The following PLCB1 variants were observed in gnomAD, a reference collection of about 807,000 sequenced individuals.
The protein encoded by PLCB1 is 1-phosphatidylinositol 4,5-bisphosphate phosphodiesterase beta-1.
A neutral mutation model predicts 161.8 loss-of-function variants in PLCB1; 46 were observed. The observed-to-expected ratio is 0.28, with a 90% CI of 0.22 to 0.36. The LOEUF is 0.36. PLCB1 is among the 10% of genes least tolerant of loss of function. PLCB1 has a pLI of 1.00. For missense variants in PLCB1, 1,016 were observed against 1,472.5 expected (o/e 0.69, Z 5.07); for synonymous variants, 517 against 503.7 (o/e 1.03, Z -0.35).
chr20:8,492,736 C>G (rs1156762385), intron 3 of PLCB1, among the ~76,000 whole-genome samples: 1 of 151,704 alleles, frequency 6.6e-6, no homozygotes, highest in Non-Finnish European at 1.5e-5. Flanking sequence ...AGGATCAAAC[C>G]TAAGCACAAA....
At chr20:8,271,142 G>A (rs1351320248) in intron 2 of PLCB1, among the ~76,000 whole-genome samples, 2 of 152,166 alleles carry the variant, frequency 1.3e-5, no homozygotes, top group African/African-American at 2.4e-5. Flanking sequence ...TTCACTGACA[G>A]TGGTAGACAT....
intron 3 of PLCB1, among the ~76,000 whole-genome samples, chr20:8,407,554 C>T (rs966428427): frequency 2.6e-5 from 4 of 152,192 alleles, no homozygotes; most frequent in Non-Finnish European, 5.9e-5. Context: ...CCCTGATAAA[C>T]TCGTCAGATC....
At chr20:8,416,929 TACACACACAC>T (rs56097941) in intron 3 of PLCB1, among the ~76,000 whole-genome samples, 2,079 of 126,438 alleles carry the variant, frequency 0.016, 56 homozygotes, top group African/African-American at 0.058. Flanking sequence ...AGAGACAGAA[TACACACACAC>T]ACACACACAC....
intron 2 of PLCB1, among the ~76,000 whole-genome samples, chr20:8,312,966 C>A (rs1984475417): frequency 6.6e-6 from 1 of 152,088 alleles, no homozygotes; most frequent in Admixed American, 6.6e-5. Context: ...CTATTCTGTG[C>A]ATTTACTTAT....
chr20:8,534,804 G>A (rs1984974756), intron 3 of PLCB1, among the ~76,000 whole-genome samples: 1 of 152,168 alleles, frequency 6.6e-6, no homozygotes, highest in South Asian at 2.1e-4. Context: ...TGGGGGAGCA[G>A]TTAATTATCC....
intron 31 of PLCB1, among the ~76,000 whole-genome samples, chr20:8,815,038 C>A (rs1985020199): frequency 6.6e-6 from 1 of 152,186 alleles, no homozygotes; most frequent in Admixed American, 6.5e-5. Context: ...TATCTAAAAA[C>A]CCCAGTCCGC....
intron 31 of PLCB1, among the ~76,000 whole-genome samples, chr20:8,831,021 G>T (rs996111105): frequency 6.6e-6 from 1 of 152,180 alleles, no homozygotes; most frequent in Admixed American, 6.5e-5. Flanking sequence ...GATTGCATTA[G>T]AATGTTGACT....
intron 9 of PLCB1, among the ~76,000 whole-genome samples, chr20:8,670,398 A>G (rs1225319622): frequency 1.3e-5 from 2 of 152,214 alleles, no homozygotes; most frequent in African/African-American, 4.8e-5. Context: ...AAATAGTACA[A>G]CTTAATACAG....
intron 23 of PLCB1, among the ~76,000 whole-genome samples, chr20:8,753,982 C>T (rs984228206): frequency 3.9e-5 from 6 of 152,152 alleles, no homozygotes; most frequent in African/African-American, 1.4e-4. Context: ...CCAAGAGTGA[C>T]ACAGTCCACT....
chr20:8,332,724 C>T (rs554803915), intron 2 of PLCB1, among the ~76,000 whole-genome samples: 4 of 152,306 alleles, frequency 2.6e-5, no homozygotes, highest in African/African-American at 9.6e-5. Flanking sequence ...TAATGGTGCT[C>T]CCTACCTGGC....
chr20:8,766,907 A>T (rs537962446), intron 26 of PLCB1, among the ~76,000 whole-genome samples: 1 of 152,256 alleles, frequency 6.6e-6, no homozygotes, highest in East Asian at 1.9e-4. Context: ...AAACTTTTTC[A>T]TGAGTCCAGC....
At chr20:8,169,516 T>A (rs2051710500) in intron 2 of PLCB1, among the ~76,000 whole-genome samples, 1 of 152,170 alleles carries the variant, frequency 6.6e-6, no homozygotes, top group South Asian at 2.1e-4. Context: ...TAAATTTTAA[T>A]ATATATTGTG....
In PLCB1 at chr20:8,765,167, A is replaced by G; in HGVS notation, c.2739A>G (p.Leu913=). ...TEVEAQTIEE[L]KQQKSFVKLQ... ...TGGAAGCACAGACCATCGAAGAACT[A>G]AAGCAACAGAAATCGTTTGTGAAAC... The change falls in exon 26 of 32, where the codon CTA becomes CTG. Residue 913 remains leucine (L), a synonymous_variant. Transcript: ENST00000338037. 1 of 1,613,910 alleles carries G rather than the reference A, an allele frequency of 6.2e-7. No homozygotes were observed. Among genetic ancestry groups the G allele is most frequent in the South Asian group, 1.1e-5 (1 of 91,024 alleles).
chr20:8,224,753 C>G (rs778577766), intron 2 of PLCB1, among the ~76,000 whole-genome samples: 1 of 152,092 alleles, frequency 6.6e-6, no homozygotes, highest in Non-Finnish European at 1.5e-5. Context: ...ACCATCCCCC[C>G]GCCCACCACG....
intron 3 of PLCB1, among the ~76,000 whole-genome samples, chr20:8,508,602 A>G (rs1983743496): frequency 6.6e-6 from 1 of 152,214 alleles, no homozygotes; most frequent in Admixed American, 6.5e-5. Context: ...CAAATGAGTG[A>G]ATTCAAGTAA....
chr20:8,805,124 T>C (rs1355673648), intron 31 of PLCB1, among the ~76,000 whole-genome samples: 2 of 151,676 alleles, frequency 1.3e-5, no homozygotes, highest in African/African-American at 4.8e-5. Context: ...ATCACATAAA[T>C]AGTTGGAATT....
chr20:8,850,092 A>G (rs1021698841), intron 31 of PLCB1, among the ~76,000 whole-genome samples: 2 of 152,204 alleles, frequency 1.3e-5, no homozygotes, highest in African/African-American at 4.8e-5. Flanking sequence ...TCTTTAAAAC[A>G]CGTAAGTGTA....
At chr20:8,344,721 G>T (rs182313959) in intron 2 of PLCB1, among the ~76,000 whole-genome samples, 53 of 152,282 alleles carry the variant, frequency 3.5e-4, no homozygotes, top group African/African-American at 9.4e-4. Context: ...ACTCAATCTT[G>T]TTGAGCCCAA....
At position 8,752,798 on chromosome 20, in the gene PLCB1, A is replaced by G. The variant is rs532937849; in HGVS notation, c.2524-4248A>G. On this transcript the variant is annotated intron_variant, in intron 23 of 31. Coordinates refer to ENST00000338037, the MANE Select transcript of PLCB1 (RefSeq NM_015192.4). ...ACAGAGTGAGACTCCATCTCAAAAAAAAAAAAAAAAGTGTCTACAGCCCTT... is the reference window on the plus strand; with the variant it reads ...ACAGAGTGAGACTCCATCTCAAAAAGAAAAAAAAAAGTGTCTACAGCCCTT... Among the ~76,000 whole-genome samples, 67 of 152,160 alleles carry G rather than the reference A, an allele frequency of 4.4e-4. 2 individuals carry two copies. Among genetic ancestry groups the G allele is most frequent in the African/African-American group, 1.5e-3 (62 of 41,500 alleles).
Sources: gnomAD v4.1 joint callset for allele counts (sites outside exome capture counted in the v4.1 genomes callset) on GRCh38, gnomAD v4.1.1 for gene constraint, MANE v1.5 for transcripts, NCBI Gene and HGNC (gene_info 2026-07-23, HGNC 2026-07-21) for gene names.